STXBP5L: variants seen among roughly 807,000 people sequenced by gnomAD.
STXBP5L encodes the protein syntaxin binding protein 5L, also known as syntaxin-binding protein 5-like.
Under a neutral mutation model 144.5 loss-of-function variants are expected in STXBP5L, and 65 were observed. That is an observed-to-expected ratio of 0.45 (90% confidence interval 0.37 to 0.55). The LOEUF (loss-of-function observed/expected upper bound fraction) is 0.55, where lower values mean the gene tolerates loss of function less well. Among genes scored for constraint, STXBP5L ranks in the 20% least tolerant of loss-of-function variants. The probability of loss-of-function intolerance (pLI) is 0.00; values close to 1 mark genes in which losing one functional copy is unlikely to be tolerated. For synonymous variants in STXBP5L, 505 were observed against 469.6 expected, an observed-to-expected ratio of 1.08 and a Z score of -0.97; for missense variants, 1,298 against 1,405.5, an observed-to-expected ratio of 0.92 and a Z score of 1.22.
At chr3:121,276,058 T>TC (rs1439945634) in intron 18 of STXBP5L, among the ~76,000 whole-genome samples, 4 of 151,342 alleles carry the variant, frequency 2.6e-5, no homozygotes, top group African/African-American at 4.8e-5. Flanking sequence ...TTTCTCTTTG[T>TC]CCCCCCACTC....
intron 20 of STXBP5L, among the ~76,000 whole-genome samples, chr3:121,344,272 A>C (rs1354766458): frequency 1.3e-5 from 2 of 152,132 alleles, no homozygotes; most frequent in African/African-American, 2.4e-5. Context: ...AGACTTAAAC[A>C]TTAGACCTAA....
chr3:121,015,737 C>T (rs1560004417), intron 3 of STXBP5L, among the ~76,000 whole-genome samples: 2 of 152,020 alleles, frequency 1.3e-5, no homozygotes, highest in Non-Finnish European at 2.9e-5. Flanking sequence ...AAGTATTTTC[C>T]TGGAAAAAAG....
chr3:121,331,522 A>G (rs1484654438), intron 20 of STXBP5L, among the ~76,000 whole-genome samples: 1 of 152,212 alleles, frequency 6.6e-6, no homozygotes, highest in Admixed American at 6.5e-5. Flanking sequence ...GTGCCTGTCT[A>G]ATCTGAATAG....
intron 10 of STXBP5L, among the ~76,000 whole-genome samples, chr3:121,207,675 C>T (rs1469112450): frequency 1.3e-5 from 2 of 152,100 alleles, no homozygotes; most frequent in African/African-American, 4.8e-5. Context: ...GGGTGAAGGA[C>T]ATGAACAGAC....
At chr3:121,325,961 T>C (rs1389836613) in intron 20 of STXBP5L, among the ~76,000 whole-genome samples, 1 of 151,644 alleles carries the variant, frequency 6.6e-6, no homozygotes, top group Non-Finnish European at 1.5e-5. Context: ...GTCCTCTGAT[T>C]ATTTGGCCCA....
chr3:121,314,870 A>G (rs2043725339), intron 19 of STXBP5L, among the ~76,000 whole-genome samples: 1 of 152,252 alleles, frequency 6.6e-6, no homozygotes, highest in African/African-American at 2.4e-5. Context: ...CACAGCCAAA[A>G]GACACATGAA....
intron 9 of STXBP5L, among the ~76,000 whole-genome samples, chr3:121,187,379 C>T (rs1411141539): frequency 1.5e-5 from 2 of 130,684 alleles, no homozygotes; most frequent in Non-Finnish European, 3.1e-5. Flanking sequence ...GGAAGGGGAA[C>T]ATCACACACT....
At chr3:121,111,286 G>A (rs2043975856) in intron 5 of STXBP5L, among the ~76,000 whole-genome samples, 1 of 152,152 alleles carries the variant, frequency 6.6e-6, no homozygotes, top group Admixed American at 6.5e-5. Flanking sequence ...TTGCCAGAGA[G>A]GTGTTGCAAT....
intron 3 of STXBP5L, among the ~76,000 whole-genome samples, chr3:120,974,327 G>A (rs1940666740): frequency 6.6e-6 from 1 of 152,186 alleles, no homozygotes; most frequent in South Asian, 2.1e-4. Flanking sequence ...TCTTTTGGCT[G>A]CATAAATGTC....
At chr3:121,086,564 G>A (rs1027371765) in intron 5 of STXBP5L, among the ~76,000 whole-genome samples, 1 of 152,056 alleles carries the variant, frequency 6.6e-6, no homozygotes, top group Non-Finnish European at 1.5e-5. Context: ...GGAGCAATAG[G>A]CTATACAAGT....
chr3:121,343,513 C>A (rs1198401899), intron 20 of STXBP5L, among the ~76,000 whole-genome samples: 1 of 152,026 alleles, frequency 6.6e-6, no homozygotes, highest in Non-Finnish European at 1.5e-5. Context: ...TGTCTCAGCC[C>A]AAAATCTCCT....
chr3:121,050,189 G>A (rs374208308), intron 5 of STXBP5L, among the ~76,000 whole-genome samples: 2 of 152,132 alleles, frequency 1.3e-5, no homozygotes, highest in African/African-American at 4.8e-5. Context: ...CTCCATGAGA[G>A]TGGTGCTTAT....
At chr3:120,975,403 G>C (rs1477434713) in intron 3 of STXBP5L, among the ~76,000 whole-genome samples, 3 of 152,152 alleles carry the variant, frequency 2.0e-5, no homozygotes, top group Middle Eastern at 3.2e-3. Context: ...TGTATCCTGA[G>C]ACTTTGCTGA....
At chr3:121,125,344 C>A (rs1306460140) in intron 7 of STXBP5L, among the ~76,000 whole-genome samples, 1 of 151,894 alleles carries the variant, frequency 6.6e-6, no homozygotes, top group Non-Finnish European at 1.5e-5. Flanking sequence ...TGGTGGCATG[C>A]GCCTGTAGTC....
chr3:121,282,386 T>C, intron 19 of STXBP5L: 1 of 1,556,378 alleles, frequency 6.4e-7, no homozygotes, highest in Non-Finnish European at 8.8e-7. Context: ...ACATAATGCT[T>C]GAGTTAAATC....
At chr3:121,035,643 G>C (rs1418933256) in intron 3 of STXBP5L, among the ~76,000 whole-genome samples, 2 of 152,070 alleles carry the variant, frequency 1.3e-5, no homozygotes, top group African/African-American at 4.8e-5. Flanking sequence ...GCAATGTTAT[G>C]TCTTCAGCTT....
chr3:121,171,911 A>G (rs568570032), intron 9 of STXBP5L, among the ~76,000 whole-genome samples: 6 of 152,332 alleles, frequency 3.9e-5, no homozygotes, highest in African/African-American at 1.4e-4. Context: ...CTAAGCGAAA[A>G]GAACAAAGCT....
intron 22 of STXBP5L, among the ~76,000 whole-genome samples, chr3:121,404,610 C>T (rs2046955733): frequency 6.6e-6 from 1 of 152,130 alleles, no homozygotes; most frequent in African/African-American, 2.4e-5. Flanking sequence ...TATGAATCTT[C>T]TTGGCATTCT....
At chr3:121,082,161 G>A (rs932707294) in intron 5 of STXBP5L, among the ~76,000 whole-genome samples, 4 of 151,980 alleles carry the variant, frequency 2.6e-5, no homozygotes, top group Non-Finnish European at 5.9e-5. Flanking sequence ...AAAATCTTGC[G>A]ATAATTTGAT....
Sources: allele counts gnomAD v4.1 joint callset (sites outside exome capture counted in the v4.1 genomes callset), GRCh38; gene constraint gnomAD v4.1.1; transcripts MANE v1.5; gene names NCBI Gene and HGNC (gene_info 2026-07-23, HGNC 2026-07-21).